Variants in ANKRD31 observed in about 807,000 individuals in gnomAD.
ANKRD31 encodes ankyrin repeat domain 31, also known as ankyrin repeat domain-containing protein 31.
A neutral mutation model predicts 186.0 loss-of-function variants in ANKRD31; 147 were observed. That is an observed-to-expected ratio of 0.79 (90% CI 0.69 to 0.91). The LOEUF is 0.91. Among genes scored for constraint, ANKRD31 ranks in the 40% least tolerant of loss-of-function variants. ANKRD31 has a pLI of 0.00. For synonymous variants in ANKRD31, 673 were observed against 736.4 expected (o/e 0.91, Z 1.39); for missense variants, 1,986 against 2,148.8 (o/e 0.92, Z 1.50).
intron 3 of ANKRD31, among the ~76,000 whole-genome samples, chr5:75,211,432 TA>T (rs1756640499): frequency 6.6e-6 from 1 of 152,222 alleles, no homozygotes; most frequent in Non-Finnish European, 1.5e-5. Flanking sequence ...CTATGGAGAA[TA>T]ATGCTGCCAT....
intron 25 of ANKRD31, among the ~76,000 whole-genome samples, chr5:75,071,334 CAT>C (rs1030902653): frequency 4.0e-5 from 6 of 148,822 alleles, no homozygotes; most frequent in East Asian, 1.9e-4. Context: ...TATTTAAAAA[CAT>C]ATATCATTAT....
chr5:75,229,846 CA>C (rs1286559253), intron 2 of ANKRD31, among the ~76,000 whole-genome samples: 1 of 117,716 alleles, frequency 8.5e-6, no homozygotes, highest in Non-Finnish European at 1.6e-5. Flanking sequence ...GCCTGGGCGA[CA>C]GAGTGAGACT....
At chr5:75,153,613 G>T (rs1472225828) in intron 12 of ANKRD31, among the ~76,000 whole-genome samples, 9 of 152,084 alleles carry the variant, frequency 5.9e-5, no homozygotes, top group Admixed American at 4.6e-4. Context: ...AAGGATACTG[G>T]CTTTTCTTCT....
chr5:75,113,651 G>A (rs1391135626), intron 19 of ANKRD31, among the ~76,000 whole-genome samples: 1 of 152,098 alleles, frequency 6.6e-6, no homozygotes, highest in African/African-American at 2.4e-5. Context: ...GCCTTCTGAA[G>A]TATGTTGCCC....
chr5:75,102,441 C>A (rs1400073908), intron 22 of ANKRD31, among the ~76,000 whole-genome samples: 2 of 152,204 alleles, frequency 1.3e-5, no homozygotes, highest in African/African-American at 2.4e-5. Context: ...CTGGAAGAAC[C>A]ACTACTCTCT....
intron 20 of ANKRD31, among the ~76,000 whole-genome samples, chr5:75,110,576 G>A (rs1415207693): frequency 6.6e-6 from 1 of 151,512 alleles, no homozygotes; most frequent in Non-Finnish European, 1.5e-5. Context: ...TGGGCATGGT[G>A]CATGCGCCTG....
chr5:75,232,162 C>T (rs908204397), intron 1 of ANKRD31, among the ~76,000 whole-genome samples: 1 of 152,102 alleles, frequency 6.6e-6, no homozygotes, highest in African/African-American at 2.4e-5. Flanking sequence ...TGCATTTTTC[C>T]AAGAAGTAAA....
intron 11 of ANKRD31, among the ~76,000 whole-genome samples, chr5:75,158,321 C>T (rs954230729): frequency 3.9e-5 from 6 of 151,996 alleles, no homozygotes; most frequent in Non-Finnish European, 8.8e-5. Flanking sequence ...TGTTGGAAAC[C>T]AGGATAAAGA....
chr5:75,227,070 G>GAT (rs1455859178), intron 2 of ANKRD31, among the ~76,000 whole-genome samples: 10 of 152,144 alleles, frequency 6.6e-5, no homozygotes, highest in Admixed American at 5.2e-4. Context: ...AAGGAAATGT[G>GAT]ATATATATAC....
Position 75,218,019 on chromosome 5 carries a change from A to G in ANKRD31, c.288+4230T>C, listed in dbSNP as rs1229912048. Among the ~76,000 whole-genome samples, 8 of 152,216 alleles carry G rather than the reference A, an allele frequency of 5.3e-5. No individual in the cohort carries two copies. In the East Asian group the frequency reaches 1.5e-3, roughly 29 times the overall value. Reference sequence around the variant, plus strand: ...TTATTTCTCAAATTAACAACTAAACATACAACTAGAAGAACTGGAGAAGCA... The same window carrying G: ...TTATTTCTCAAATTAACAACTAAACGTACAACTAGAAGAACTGGAGAAGCA... On this transcript the variant is annotated intron_variant, in intron 3 of 25. Transcript: ENST00000506364.
chr5:75,191,458 T>C (rs1229431353), intron 9 of ANKRD31, among the ~76,000 whole-genome samples: 2 of 152,132 alleles, frequency 1.3e-5, no homozygotes, highest in African/African-American at 4.8e-5. Context: ...TTTGCTTTTA[T>C]TTTTCAGAAT....
intron 22 of ANKRD31, among the ~76,000 whole-genome samples, chr5:75,096,053 GA>G (rs1415096208): frequency 6.6e-6 from 1 of 152,236 alleles, no homozygotes; most frequent in East Asian, 1.9e-4. Flanking sequence ...ATTGCACAGG[GA>G]ACATTCTTCA....
At chr5:75,075,023 A>G (rs1744521087) in intron 25 of ANKRD31, among the ~76,000 whole-genome samples, 1 of 152,240 alleles carries the variant, frequency 6.6e-6, no homozygotes, top group Admixed American at 6.5e-5. Flanking sequence ...CTTAAAAATC[A>G]CAACATATAT....
chr5:75,109,095 C>A (rs1238325014), intron 20 of ANKRD31, among the ~76,000 whole-genome samples: 1 of 151,862 alleles, frequency 6.6e-6, no homozygotes, highest in Non-Finnish European at 1.5e-5. Flanking sequence ...TTAGACATTA[C>A]AAAACAATGA....
At chr5:75,143,002 C>G (rs1228548994) in intron 15 of ANKRD31, among the ~76,000 whole-genome samples, 1 of 152,124 alleles carries the variant, frequency 6.6e-6, no homozygotes, top group African/African-American at 2.4e-5. Context: ...AGTTTGGAAA[C>G]CAGAAATCAA....
At chr5:75,175,646 A>AACACACACACAC (rs10532266) in intron 10 of ANKRD31, among the ~76,000 whole-genome samples, 1 of 147,574 alleles carries the variant, frequency 6.8e-6, no homozygotes, top group Non-Finnish European at 1.5e-5. Context: ...TACCTCAGAA[A>AACACACACACAC]ACACACACAC....
chr5:75,176,789 A>G (rs972477587), intron 10 of ANKRD31, among the ~76,000 whole-genome samples: 1 of 152,230 alleles, frequency 6.6e-6, no homozygotes, highest in Non-Finnish European at 1.5e-5. Flanking sequence ...GGGAAAAAAC[A>G]GAGCAGAAAA....
At chr5:75,133,883 A>T (rs10025843) in intron 17 of ANKRD31, among the ~76,000 whole-genome samples, 1 of 152,170 alleles carries the variant, frequency 6.6e-6, no homozygotes, top group Non-Finnish European at 1.5e-5. Flanking sequence ...GCTCAAATAC[A>T]TGGAAACTGA....
At chr5:75,138,305 C>G (rs1200490727) in intron 16 of ANKRD31, among the ~76,000 whole-genome samples, 2 of 152,128 alleles carry the variant, frequency 1.3e-5, no homozygotes, top group Non-Finnish European at 1.5e-5. Flanking sequence ...GATATTAAAA[C>G]GTCTGACTTT....
Sources: allele counts gnomAD v4.1 joint callset (sites outside exome capture counted in the v4.1 genomes callset), GRCh38; gene constraint gnomAD v4.1.1; transcripts MANE v1.5; gene names NCBI Gene and HGNC (gene_info 2026-07-23, HGNC 2026-07-21).